The following SMARCA1 variants were observed in gnomAD, a reference collection of about 807,000 sequenced individuals.
The protein encoded by SMARCA1 is SWI/SNF-related matrix-associated actin-dependent regulator of chromatin subfamily A member 1.
In SMARCA1, 17 loss-of-function variants were observed where a neutral mutation model predicts 93.6. The observed-to-expected ratio is 0.18, with a 90% confidence interval of 0.12 to 0.27. The LOEUF (loss-of-function observed/expected upper bound fraction) is 0.27. Ranked by LOEUF, SMARCA1 falls within the 10% of genes least tolerant of loss-of-function variation. SMARCA1 has a pLI of 1.00. For synonymous variants in SMARCA1, 271 were observed against 271.4 expected, an observed-to-expected ratio of 1.00 and a Z score of 0.01; for missense variants, 630 against 819.0, an observed-to-expected ratio of 0.77 and a Z score of 2.82.
In SMARCA1 at chrX:129,511,926, T is replaced by C. The variant is rs1206501297; in HGVS notation, c.688A>G (p.Asn230Asp). The C allele has an allele frequency of 2.5e-6, 3 of 1,206,304 alleles. No homozygotes were observed. Among genetic ancestry groups the C allele is most frequent in the South Asian group, 1.8e-5 (1 of 56,203 alleles). The change falls in exon 6 of 25, where the codon AAT (asparagine) becomes GAT (aspartate). Residue 230 changes from asparagine (N) to aspartate (D), a missense_variant. Transcript: ENST00000371121. The part of the protein sequence containing the change: ...ALLGYLKHYR[N>D]IPGPHMVLVP... ...AAAACCATGTGAGGTCCAGGAATAT[T>C]TCGGTAGTGTTTCAGGTAACCAAGC...
intron 21 of SMARCA1, among the ~76,000 whole-genome samples, chrX:129,467,583 T>C (rs1284732586): frequency 3.6e-5 from 4 of 110,784 alleles, no homozygotes; most frequent in Non-Finnish European, 5.7e-5. Flanking sequence ...CTTAATGTTA[T>C]ATTATATGTA....
At chrX:129,465,399 G>A in intron 23 of SMARCA1, 121 bp downstream of exon 23, 1 of 482,747 alleles carries the variant, frequency 2.1e-6, no homozygotes, top group African/African-American at 2.4e-5. Flanking sequence ...CACAGAGAGA[G>A]AGAAAGAGAG....
At position 129,511,955 on chromosome X, in the gene SMARCA1, G is replaced by C. The variant is rs1935032526; in HGVS notation, c.659C>G (p.Ala220Gly). 8.3e-7 allele frequency: 1 copy of C among 1,201,527 alleles called. No homozygotes were observed. The highest frequency in any genetic ancestry group is 1.8e-5 in the African/African-American group (1 of 56,812). ...MGLGKTLQTI[A>G]LLGYLKHYRN... The stretch of plus-strand genomic sequence containing the variant: ...GTAGTGTTTCAGGTAACCAAGCAAA[G>C]CAATTGTTTGTAAAGTTTTCCCAAG... Residue 220 changes from alanine to glycine, a missense_variant, in exon 6 of 25, where the codon GCT becomes GGT. This residue lies in a region of SMARCA1 where 382 missense variants were observed against 537.9 expected (regional missense o/e 0.71). Transcript: ENST00000371121.
Position 129,448,367 on chromosome X carries a change from GCTCT to G in SMARCA1, c.3103_3106del (p.Arg1035GlnfsTer33). 1 of 1,198,221 alleles carries G rather than the reference GCTCT, an allele frequency of 8.3e-7. No homozygotes were observed. Among genetic ancestry groups the G allele is most frequent in the Non-Finnish European group, 1.1e-6 (1 of 884,042 alleles). The stretch of plus-strand genomic sequence containing the variant: ...TTTAGTTGCCCGTTTCTTCTTTTCT[GCTCT>G]CTCTCTTTCCTCAATTTCCATATTT... On this transcript the variant is annotated frameshift_variant, in exon 24 of 25. Transcript: ENST00000371121. LOFTEE classifies it high-confidence loss of function.
chrX:129,509,655 T>A (rs1256923008), intron 6 of SMARCA1, among the ~76,000 whole-genome samples: 2 of 112,221 alleles, frequency 1.8e-5, no homozygotes, highest in Non-Finnish European at 3.8e-5. Flanking sequence ...AACATCTCGA[T>A]AAAACATTAA....
At chrX:129,516,229 G>A (rs1264663783) in intron 3 of SMARCA1, 102 bp downstream of exon 3, 1 of 770,099 alleles carries the variant, frequency 1.3e-6, no homozygotes, top group African/African-American at 2.1e-5. Flanking sequence ...AAGGTATACT[G>A]AACAATGAAG....
intron 23 of SMARCA1, among the ~76,000 whole-genome samples, chrX:129,451,997 C>T (rs1932333582): frequency 8.9e-6 from 1 of 111,928 alleles, no homozygotes; most frequent in Non-Finnish European, 1.9e-5. Flanking sequence ...GCCACCACGC[C>T]CAGCCTCCAT....
Position 129,488,962 on chromosome X carries a change from G to C in SMARCA1, c.2072C>G (p.Thr691Ser), listed in dbSNP as rs1011503516. 6.8e-6 allele frequency: 8 copies of C among 1,183,338 alleles called. No homozygotes were observed. The Admixed American group carries it at 1.3e-4, about 20-fold the overall frequency. Residue 691 changes from threonine to serine, a missense_variant, in exon 16 of 25, where the codon ACT becomes AGT. By Grantham distance (58) the Thr-to-Ser change is moderately conservative. Around this residue, in one of 4 missense-constraint regions of SMARCA1, gnomAD observed 382 missense variants for 537.9 expected, o/e 0.71. Coordinates refer to ENST00000371121, the MANE Select transcript of SMARCA1 (RefSeq NM_001282874.2). ...CTTCTTTTCCCCTCTTTCCAGAATA[G>C]TTGTAATGTCTTCATCTGTCAACTC... ...ESELTDEDIT[T>S]ILERGEKKTA...
At chrX:129,519,912 A>G (rs541131607) in intron 1 of SMARCA1, among the ~76,000 whole-genome samples, 13 of 112,022 alleles carry the variant, frequency 1.2e-4, no homozygotes, top group African/African-American at 2.6e-4. Context: ...ACAAATATAT[A>G]TAATAATGTG....
chrX:129,484,561 A>G (rs757869491), intron 17 of SMARCA1, among the ~76,000 whole-genome samples: 4 of 112,004 alleles, frequency 3.6e-5, no homozygotes, highest in Admixed American at 9.5e-5. Context: ...GAGCTTTTTT[A>G]TTTTAAGAAA....
chrX:129,463,484 T>C (rs2064590079), intron 23 of SMARCA1, among the ~76,000 whole-genome samples: 1 of 112,222 alleles, frequency 8.9e-6, no homozygotes, highest in African/African-American at 3.2e-5. Flanking sequence ...AAGAACTCTA[T>C]AAAACAACTC....
intron 23 of SMARCA1, among the ~76,000 whole-genome samples, chrX:129,457,606 C>A (rs2053253858): frequency 8.9e-6 from 1 of 112,122 alleles, no homozygotes; most frequent in Non-Finnish European, 1.9e-5. Context: ...TGAATCCCTA[C>A]TACTAGGTCC....
At chrX:129,512,320 CTG>C (rs1935045285) in intron 5 of SMARCA1, among the ~76,000 whole-genome samples, 1 of 111,889 alleles carries the variant, frequency 8.9e-6, no homozygotes, top group Non-Finnish European at 1.9e-5. Context: ...TAGGAATTTT[CTG>C]TGTGTTTGTT....
chrX:129,514,718 A>G (rs749223196), intron 5 of SMARCA1, among the ~76,000 whole-genome samples: 3 of 111,871 alleles, frequency 2.7e-5, no homozygotes, highest in Non-Finnish European at 5.6e-5. Context: ...GATAAAGAAT[A>G]GGAAAAGACA....
intron 23 of SMARCA1, among the ~76,000 whole-genome samples, chrX:129,458,303 C>T (rs747033804): frequency 3.6e-5 from 4 of 112,326 alleles, no homozygotes; most frequent in Non-Finnish European, 7.5e-5. Context: ...TTTCAGGCCA[C>T]ACAAAAACAG....
Position 129,515,744 on chromosome X carries a change from C to T in SMARCA1, c.573G>A (p.Leu191=). Residue 191 remains leucine (L), a synonymous_variant, in exon 5 of 25, where the codon CTG becomes CTA. Transcript: ENST00000371121. ...TTTCATATAAAGAGATCAACCAATTCAGTCCTCGAATCTGATAATCTCTCA... is the reference window on the plus strand; with the variant it reads ...TTTCATATAAAGAGATCAACCAATTTAGTCCTCGAATCTGATAATCTCTCA... ...GPLRDYQIRG[L]NWLISLYENG... The T allele has an allele frequency of 8.3e-7, 1 of 1,206,922 alleles. No individual in the cohort carries two copies. Among genetic ancestry groups the T allele is most frequent in the East Asian group, 3.0e-5 (1 of 33,834 alleles).
chrX:129,508,032 A>T lies in SMARCA1; in HGVS notation c.875T>A (p.Met292Lys). 2 of 1,183,348 alleles carry T rather than the reference A, an allele frequency of 1.7e-6. No individual in the cohort carries two copies. The highest frequency in any genetic ancestry group is 2.3e-6 in the Non-Finnish European group (2 of 874,084). The change falls in exon 7 of 25, where the codon ATG becomes AAG. Residue 292 changes from methionine to lysine, a missense_variant. Around this residue, in one of 4 missense-constraint regions of SMARCA1, gnomAD observed 382 missense variants for 537.9 expected, o/e 0.71. Transcript: ENST00000371121. ...EWDVCVTSYE[M>K]VIKEKSVFKK... ...GAATACAGATTTTTCTTTAATTACCATCTCATAAGAAGTAACGCAAACATC... is the reference window on the plus strand; with the variant it reads ...GAATACAGATTTTTCTTTAATTACCTTCTCATAAGAAGTAACGCAAACATC...
intron 20 of SMARCA1, 94 bp downstream of exon 20, chrX:129,471,109 TA>T: frequency 1.5e-6 from 1 of 654,213 alleles, no homozygotes; most frequent in Non-Finnish European, 2.3e-6. Flanking sequence ...TGTGTCACAC[TA>T]GGATACTAGG....
At chrX:129,448,880 A>G (rs1414140820) in intron 23 of SMARCA1, among the ~76,000 whole-genome samples, 3 of 109,919 alleles carry the variant, frequency 2.7e-5, no homozygotes, top group Non-Finnish European at 5.7e-5. Flanking sequence ...GAGAGAGGGT[A>G]GGTGTGACTG....
Sources: gnomAD v4.1 joint callset for allele counts (sites outside exome capture counted in the v4.1 genomes callset) on GRCh38, gnomAD v4.1.1 for gene constraint, gnomAD v4.1.1 regional missense constraint, MANE v1.5 for transcripts, NCBI Gene and HGNC (gene_info 2026-07-23, HGNC 2026-07-21) for gene names.